SCAF11: variants seen among roughly 807,000 people sequenced by gnomAD.
SCAF11 encodes the protein SR-related CTD associated factor 11.
Under a neutral mutation model 140.5 loss-of-function variants are expected in SCAF11, and 47 were observed. The observed-to-expected ratio is 0.33, with a 90% CI of 0.26 to 0.43. The LOEUF (loss-of-function observed/expected upper bound fraction) is 0.43, where lower values mean the gene tolerates loss of function less well. SCAF11 is among the 20% of genes least tolerant of loss of function. The pLI, the probability that SCAF11 is intolerant of heterozygous loss-of-function variation, is 1.00. For missense variants in SCAF11, 1,645 were observed against 1,705.1 expected, an observed-to-expected ratio of 0.96 and a Z score of 0.62; for synonymous variants, 557 against 579.4, an observed-to-expected ratio of 0.96 and a Z score of 0.55.
At chr12:45,990,235 C>T (rs890358955) in intron 1 of SCAF11, 118 bp downstream of exon 1, 14 of 1,217,980 alleles carry the variant, frequency 1.1e-5, no homozygotes, top group African/African-American at 3.1e-5. Flanking sequence ...GATTCCGAAA[C>T]TTTGTCAGCC....
Position 45,928,746 on chromosome 12 carries a change from G to C in SCAF11, c.955C>G (p.Pro319Ala). 6.2e-7 allele frequency: 1 copy of C among 1,613,930 alleles called. No homozygotes were observed. Among genetic ancestry groups the C allele is most frequent in the South Asian group, 1.1e-5 (1 of 91,072 alleles). ...GTGTTACGTGTAGACCTCCTTGTAG[G>C]AGTTGTCATTGCAGGTTTTCGTCTT... ...GSRRKPAMTTPTRRSTRNTRA... is the reference protein window; with the variant it reads ...GSRRKPAMTTATRRSTRNTRA... The change falls in exon 11 of 15, where the codon CCT becomes GCT. Residue 319 changes from proline (P) to alanine (A), a missense_variant. Pro to Ala is a conservative substitution (Grantham distance 27). Coordinates refer to ENST00000369367, the MANE Select transcript of SCAF11 (RefSeq NM_004719.3).
At chr12:45,954,258 G>A (rs1193586059) in intron 3 of SCAF11, among the ~76,000 whole-genome samples, 1 of 151,658 alleles carries the variant, frequency 6.6e-6, no homozygotes, top group Non-Finnish European at 1.5e-5. Flanking sequence ...TTGAGACAGG[G>A]TCTTGCTCTG....
chr12:45,964,483 C>T (rs1026125090), intron 1 of SCAF11, among the ~76,000 whole-genome samples: 56 of 152,128 alleles, frequency 3.7e-4, no homozygotes, highest in Admixed American at 8.5e-4. Flanking sequence ...CTGGCTAACA[C>T]GGTGAAACCC....
chr12:45,982,109 A>G (rs1946363117), intron 1 of SCAF11, among the ~76,000 whole-genome samples: 1 of 152,192 alleles, frequency 6.6e-6, no homozygotes, highest in African/African-American at 2.4e-5. Context: ...TTTTAATTAT[A>G]TCTAGTTCTG....
intron 3 of SCAF11, among the ~76,000 whole-genome samples, chr12:45,953,549 C>T (rs1945601673): frequency 6.6e-6 from 1 of 151,970 alleles, no homozygotes; most frequent in South Asian, 2.1e-4. Context: ...ATCTCTGAAA[C>T]ATAGATAAAT....
intron 1 of SCAF11, among the ~76,000 whole-genome samples, chr12:45,973,352 C>T (rs1255900398): frequency 6.7e-6 from 1 of 149,124 alleles, no homozygotes; most frequent in Non-Finnish European, 1.5e-5. Context: ...ATCAAGAATG[C>T]AAGAAAAGGA....
At chr12:45,990,621 G>A, upstream of SCAF11, 1 of 1,206,434 alleles carries the variant, frequency 8.3e-7, no homozygotes, top group Non-Finnish European at 1.0e-6. Flanking sequence ...TCCCCTCCCT[G>A]CGCGTCTCCC....
At chr12:45,922,325 A>T in intron 14 of SCAF11, 131 bp from the exon 15 acceptor site, 1 of 1,467,128 alleles carries the variant, frequency 6.8e-7, no homozygotes, top group Non-Finnish European at 9.2e-7. Context: ...TCTCACACAA[A>T]CTAATCAAAA....
intron 6 of SCAF11, among the ~76,000 whole-genome samples, chr12:45,938,837 C>T (rs1283371054): frequency 1.3e-5 from 2 of 148,500 alleles, no homozygotes; most frequent in Non-Finnish European, 3.0e-5. Flanking sequence ...CTAGTATGTA[C>T]TTAAAGAAGT....
Position 45,926,464 on chromosome 12 carries a change from G to GCCACGGTTGCCTCTGCCTCTA in SCAF11, c.3216_3236dup (p.Arg1075_Gly1081dup). Reference sequence around the variant, plus strand: ...CAAAACTACTTCTGTAAGTGCCTCTGCCACGGTTGCCTCTGCCTCTACCAC... The same window carrying GCCACGGTTGCCTCTGCCTCTA: ...CAAAACTACTTCTGTAAGTGCCTCTGCCACGGTTGCCTCTGCCTCTACCACGGTTGCCTCTGCCTCTACCAC... On this transcript the variant is annotated inframe_insertion, in exon 11 of 15. Coordinates refer to ENST00000369367, the MANE Select transcript of SCAF11 (RefSeq NM_004719.3). 2.5e-6 allele frequency: 4 copies of GCCACGGTTGCCTCTGCCTCTA among 1,614,134 alleles called. No individual in the cohort carries two copies. The highest frequency in any genetic ancestry group is 2.5e-6 in the Non-Finnish European group (3 of 1,180,010).
chr12:45,959,402 A>C (rs1005259140), intron 3 of SCAF11, among the ~76,000 whole-genome samples: 16 of 152,270 alleles, frequency 1.1e-4, no homozygotes, highest in African/African-American at 3.9e-4. Flanking sequence ...CTTGTATAGC[A>C]AATAAATATT....
chr12:45,952,183 T>G (rs1357236310), intron 3 of SCAF11, among the ~76,000 whole-genome samples: 1 of 152,146 alleles, frequency 6.6e-6, no homozygotes, highest in African/African-American at 2.4e-5. Flanking sequence ...TTGAAAGATA[T>G]GAAGAAAATG....
chr12:45,940,037 T>C (rs1472943267), intron 6 of SCAF11, among the ~76,000 whole-genome samples: 1 of 152,246 alleles, frequency 6.6e-6, no homozygotes, highest in Non-Finnish European at 1.5e-5. Flanking sequence ...TTTCTGCCCC[T>C]AAACTTTGCA....
intron 1 of SCAF11, among the ~76,000 whole-genome samples, chr12:45,971,703 GCTC>G (rs1258895919): frequency 1.3e-5 from 2 of 152,112 alleles, no homozygotes; most frequent in African/African-American, 4.8e-5. Context: ...GGGGGAAACT[GCTC>G]CTTTTTTTTT....
chr12:45,924,368 C>T (rs1367144149), intron 12 of SCAF11, among the ~76,000 whole-genome samples: 1 of 152,052 alleles, frequency 6.6e-6, no homozygotes, highest in East Asian at 1.9e-4. Context: ...TAGTTCCCAC[C>T]GTCCCCATAT....
intron 1 of SCAF11, among the ~76,000 whole-genome samples, chr12:45,968,872 G>A (rs1946009258): frequency 6.6e-6 from 1 of 152,170 alleles, no homozygotes; most frequent in African/African-American, 2.4e-5. Context: ...GTTGCAGAGA[G>A]CCGAGATCAT....
At chr12:45,924,531 T>C (rs1264306015) in intron 12 of SCAF11, among the ~76,000 whole-genome samples, 197 bp downstream of exon 12, 1 of 152,206 alleles carries the variant, frequency 6.6e-6, no homozygotes, top group Admixed American at 6.5e-5. Flanking sequence ...GTAATAAGTA[T>C]TTAATTAATT....
chr12:45,979,693 T>G (rs1183144198), intron 1 of SCAF11, among the ~76,000 whole-genome samples: 1 of 152,178 alleles, frequency 6.6e-6, no homozygotes, highest in Non-Finnish European at 1.5e-5. Context: ...ATTATCTGAA[T>G]TTCTTAAACA....
chr12:45,955,390 T>C (rs1170934545), intron 3 of SCAF11: 1 of 152,346 alleles, frequency 6.6e-6, no homozygotes, highest in Admixed American at 6.6e-5. Flanking sequence ...CTCAAAGCGA[T>C]TGGCCCACCC....
Sources: allele counts gnomAD v4.1 joint callset (sites outside exome capture counted in the v4.1 genomes callset), GRCh38; gene constraint gnomAD v4.1.1; transcripts MANE v1.5; gene names NCBI Gene and HGNC (gene_info 2026-07-23, HGNC 2026-07-21).